The following SMOC2 variants were observed in gnomAD, a reference collection of about 807,000 sequenced individuals.
SMOC2 encodes SPARC related modular calcium binding 2.
A neutral mutation model predicts 61.4 loss-of-function variants in SMOC2; 39 were observed. That is an observed-to-expected ratio of 0.64 (90% CI 0.49 to 0.83). The LOEUF is 0.83. Ranked by LOEUF, SMOC2 falls within the 40% of genes least tolerant of loss-of-function variation. SMOC2 has a pLI of 0.00. For synonymous variants in SMOC2, 247 were observed against 239.9 expected (o/e 1.03, Z -0.27); for missense variants, 556 against 592.9 (o/e 0.94, Z 0.65).
At chr6:168,508,019 G>T (rs1782914447) in intron 1 of SMOC2, among the ~76,000 whole-genome samples, 1 of 152,074 alleles carries the variant, frequency 6.6e-6, no homozygotes, top group Non-Finnish European at 1.5e-5. Flanking sequence ...AGCCACACCT[G>T]CCACTGTCAC....
intron 1 of SMOC2, among the ~76,000 whole-genome samples, chr6:168,506,285 C>G (rs953796570): frequency 6.6e-6 from 1 of 152,208 alleles, no homozygotes. Context: ...ATCCTTCCAT[C>G]TTGGCCTCCC....
chr6:168,652,599 G>A (rs1275528902), intron 10 of SMOC2, among the ~76,000 whole-genome samples: 1 of 152,042 alleles, frequency 6.6e-6, no homozygotes, highest in Non-Finnish European at 1.5e-5. Context: ...CATTTACAGG[G>A]CTAGAAAAGC....
chr6:168,448,397 A>C, intron 1 of SMOC2, among the ~76,000 whole-genome samples: 1 of 141,642 alleles, frequency 7.1e-6, no homozygotes, highest in South Asian at 2.4e-4. Flanking sequence ...GAGAATGGAG[A>C]TGGGGAGGAG....
At chr6:168,663,729 A>C (rs1284495642) in intron 11 of SMOC2, among the ~76,000 whole-genome samples, 9 of 152,238 alleles carry the variant, frequency 5.9e-5, no homozygotes, top group Non-Finnish European at 1.3e-4. Flanking sequence ...GCAAATAAAA[A>C]AATGTAGTAT....
intron 8 of SMOC2, among the ~76,000 whole-genome samples, chr6:168,603,852 G>A (rs1331001508): frequency 6.6e-6 from 1 of 152,230 alleles, no homozygotes; most frequent in Non-Finnish European, 1.5e-5. Flanking sequence ...GTCCAGCCTG[G>A]TCAGAGGTGG....
intron 5 of SMOC2, 118 bp from the exon 6 acceptor site, chr6:168,547,001 G>C: frequency 8.2e-7 from 1 of 1,225,686 alleles, no homozygotes; most frequent in Non-Finnish European, 1.2e-6. Context: ...TGGGGTTGCT[G>C]TTGTGGTTGA....
intron 7 of SMOC2, among the ~76,000 whole-genome samples, chr6:168,558,853 G>T (rs377091982): frequency 7.9e-6 from 1 of 126,314 alleles, no homozygotes; most frequent in South Asian, 2.4e-4. Flanking sequence ...GTATGTGCGC[G>T]TGTGCGCATG....
intron 9 of SMOC2, among the ~76,000 whole-genome samples, chr6:168,623,753 T>C (rs1786309922): frequency 6.6e-6 from 1 of 152,096 alleles, no homozygotes; most frequent in Non-Finnish European, 1.5e-5. Context: ...GGAGTTCCCA[T>C]CTAGTCTGGA....
chr6:168,621,302 G>C (rs947524619), intron 9 of SMOC2, among the ~76,000 whole-genome samples: 6 of 152,154 alleles, frequency 3.9e-5, no homozygotes, highest in African/African-American at 1.4e-4. Flanking sequence ...CAACTTACTT[G>C]AAATGTATAA....
At chr6:168,477,857 G>A (rs958262077) in intron 1 of SMOC2, among the ~76,000 whole-genome samples, 10 of 152,146 alleles carry the variant, frequency 6.6e-5, no homozygotes, top group Admixed American at 3.9e-4. Flanking sequence ...CTGCAGCACT[G>A]CGTATTCTAC....
chr6:168,599,317 ACT>A (rs370200424), intron 8 of SMOC2, among the ~76,000 whole-genome samples: 1,355 of 129,184 alleles, frequency 0.01, 30 homozygotes, highest in African/African-American at 0.039. Flanking sequence ...ACACCCCCAC[ACT>A]GTTTCACACA....
intron 1 of SMOC2, among the ~76,000 whole-genome samples, chr6:168,463,751 G>A (rs1486215535): frequency 6.6e-6 from 1 of 152,144 alleles, no homozygotes; most frequent in Admixed American, 6.5e-5. Context: ...CAGAGGCAAG[G>A]TGCAGGCCCA....
At chr6:168,645,348 A>G (rs1786995604) in intron 9 of SMOC2, among the ~76,000 whole-genome samples, 1 of 152,188 alleles carries the variant, frequency 6.6e-6, no homozygotes, top group Admixed American at 6.5e-5. Context: ...TCTATGATAC[A>G]TTCTTAAAAT....
intron 6 of SMOC2, 137 bp downstream of exon 6, chr6:168,547,306 G>A (rs1287702676): frequency 2.1e-5 from 15 of 698,684 alleles, no homozygotes; most frequent in Non-Finnish European, 3.5e-5. Flanking sequence ...AGACAGAAAA[G>A]ACCACGTGAT....
rs1781520356 is a variant in SMOC2, at chr6:168,453,876, A to C, written c.84+12422A>C. Among the ~76,000 whole-genome samples the C allele has an allele frequency of 2.2e-5, 3 of 136,172 alleles. No individual in the cohort carries two copies. Among genetic ancestry groups the C allele is most frequent in the African/African-American group, 8.3e-5 (3 of 35,956 alleles). 89.3% of individuals were successfully genotyped at this position (136,172 alleles called of 152,430 possible). On this transcript the variant is annotated intron_variant, in intron 1 of 12. Transcript: ENST00000356284. The surrounding 1 kb of genome is among the most constrained non-coding windows in gnomAD (Gnocchi z 4.4). ...TTTCTCTGGATCTCTGCCATTCTCC[A>C]TCTCTGTCTCTCTATCTCTCTTTCT...
chr6:168,567,661 A>C (rs1784573444), intron 7 of SMOC2, among the ~76,000 whole-genome samples: 1 of 152,210 alleles, frequency 6.6e-6, no homozygotes, highest in Admixed American at 6.5e-5. Context: ...TTGAGCAAAT[A>C]AAAGGAGAGG....
chr6:168,604,192 C>G (rs1785628631), intron 8 of SMOC2, among the ~76,000 whole-genome samples: 1 of 152,220 alleles, frequency 6.6e-6, no homozygotes, highest in Non-Finnish European at 1.5e-5. Flanking sequence ...CCAGATGCCA[C>G]AGTGCTCAGA....
intron 7 of SMOC2, among the ~76,000 whole-genome samples, chr6:168,567,118 G>A (rs1784563761): frequency 6.6e-6 from 1 of 152,116 alleles, no homozygotes. Context: ...TTGGAAATAA[G>A]TTTGTTTTTC....
intron 9 of SMOC2, among the ~76,000 whole-genome samples, chr6:168,643,671 T>C (rs577309639): frequency 6.7e-6 from 1 of 148,356 alleles, no homozygotes; most frequent in Non-Finnish European, 1.5e-5. Context: ...GAGCTCCAGG[T>C]GAGCTCGGCA....
Sources: gnomAD v4.1 joint callset for allele counts (sites outside exome capture counted in the v4.1 genomes callset) on GRCh38, gnomAD v4.1.1 for gene constraint, Gnocchi (gnomAD v3.1) non-coding constraint, MANE v1.5 for transcripts, NCBI Gene and HGNC (gene_info 2026-07-23, HGNC 2026-07-21) for gene names.